Variants in DYDC1 observed in about 807,000 individuals in gnomAD.
DYDC1 encodes the protein DPY30 domain-containing protein 1.
In DYDC1, 21 loss-of-function variants were observed where a neutral mutation model predicts 27.9. The observed-to-expected ratio is 0.75, with a 90% CI of 0.53 to 1.08. The LOEUF (loss-of-function observed/expected upper bound fraction) is 1.08, where lower values mean the gene tolerates loss of function less well. Among genes scored for constraint, DYDC1 ranks in the 50% least tolerant of loss-of-function variants. The pLI is 0.00. For synonymous variants in DYDC1, 67 were observed against 65.8 expected (o/e 1.02, Z -0.09); for missense variants, 202 against 205.9 (o/e 0.98, Z 0.12).
chr10:80,338,314 G>T, intron 6 of DYDC1, 153 bp downstream of exon 6: 2 of 1,362,304 alleles, frequency 1.5e-6, no homozygotes, highest in South Asian at 1.9e-5. Flanking sequence ...AATATAATCC[G>T]CAACCAGGGA....
intron 6 of DYDC1, chr10:80,336,991 G>T: frequency 2.6e-6 from 1 of 380,270 alleles, no homozygotes; most frequent in Non-Finnish European, 3.6e-6. Context: ...CTGCACTTAA[G>T]TCCAAAATCC....
At chr10:80,336,402 A>C (rs1022261890) in intron 6 of DYDC1, 1 of 940,002 alleles carries the variant, frequency 1.1e-6, no homozygotes, top group Non-Finnish European at 1.3e-6. Context: ...TTCTCTTACT[A>C]TGCATTCTCA....
At chr10:80,353,398 G>A (rs927093253) in intron 1 of DYDC1, among the ~76,000 whole-genome samples, 2 of 151,150 alleles carry the variant, frequency 1.3e-5, no homozygotes, top group African/African-American at 2.4e-5. Flanking sequence ...TCCTGACCTC[G>A]TGATCCGCCC....
chr10:80,352,239 GA>G (rs1190662772), intron 2 of DYDC1, among the ~76,000 whole-genome samples: 1 of 152,040 alleles, frequency 6.6e-6, no homozygotes, highest in East Asian at 1.9e-4. Flanking sequence ...TAAATCTATA[GA>G]AAAAAGACTT....
chr10:80,338,837 G>T (rs1842222970), intron 5 of DYDC1, among the ~76,000 whole-genome samples: 1 of 152,068 alleles, frequency 6.6e-6, no homozygotes, highest in African/African-American at 2.4e-5. Flanking sequence ...AAGTAATTAT[G>T]TGGTAAATAG....
chr10:80,344,780 A>G, intron 3 of DYDC1: 1 of 311,348 alleles, frequency 3.2e-6, no homozygotes, highest in South Asian at 3.0e-5. Context: ...TTCGCCTCCC[A>G]CCATGATTCT....
chr10:80,342,024 C>CAAAAAAAAAAAAAAAAAAA (rs60594545), intron 4 of DYDC1, among the ~76,000 whole-genome samples: 1 of 108,982 alleles, frequency 9.2e-6, no homozygotes, highest in Non-Finnish European at 1.9e-5. Flanking sequence ...GACTCCGTCT[C>CAAAAAAAAAAAAAAAAAAA]AAAAAAAAAA....
intron 3 of DYDC1, chr10:80,344,648 G>C (rs757414682): frequency 6.1e-5 from 10 of 163,938 alleles, no homozygotes; most frequent in Middle Eastern, 2.8e-3. Context: ...CATGGGAGCT[G>C]GTCTTCCCTG....
Position 80,350,233 on chromosome 10 carries a change from C to T in DYDC1, c.249+1668G>A, listed in dbSNP as rs138082829. The stretch of plus-strand genomic sequence containing the variant: ...CAGTGGATTAGTTCATACCGGTCAA[C>T]ATAATATGGCTAGAGAAACTTGTTA... On this transcript the variant is annotated intron_variant, in intron 3 of 6. Coordinates refer to ENST00000372202, the MANE Select transcript of DYDC1 (RefSeq NM_001269053.2). Among the ~76,000 whole-genome samples, 1,152 of 152,304 alleles carry T rather than the reference C, an allele frequency of 7.6e-3. 5 individuals carry two copies. The highest frequency in any genetic ancestry group is 0.013 in the Non-Finnish European group (856 of 68,026).
chr10:80,348,053 C>T (rs531725376), intron 3 of DYDC1, among the ~76,000 whole-genome samples: 2 of 152,278 alleles, frequency 1.3e-5, no homozygotes, highest in East Asian at 3.9e-4. Context: ...GTAGTATAGA[C>T]ATTTTAACAA....
intron 1 of DYDC1, among the ~76,000 whole-genome samples, chr10:80,353,585 C>T (rs1302398679): frequency 1.3e-5 from 2 of 151,722 alleles, no homozygotes; most frequent in East Asian, 2.0e-4. Context: ...GGCACAGTGG[C>T]TCACGCCTGT....
chr10:80,354,259 G>A (rs928398788), intron 1 of DYDC1: 3 of 151,616 alleles, frequency 2.0e-5, no homozygotes, highest in African/African-American at 7.3e-5. Flanking sequence ...GGCTGAGGTG[G>A]GTGGATCACC....
chr10:80,351,786 T>C (rs1420113115), intron 3 of DYDC1, 115 bp downstream of exon 3: 4 of 883,326 alleles, frequency 4.5e-6, no homozygotes, highest in Non-Finnish European at 7.0e-6. Flanking sequence ...ATGAAGATAT[T>C]AGGAAGCCAT....
Position 80,339,158 on chromosome 10 carries a change from A to G in DYDC1, c.343-5T>C. 8.5e-7 allele frequency: 1 copy of G among 1,169,650 alleles called. No individual in the cohort carries two copies. The highest frequency in any genetic ancestry group is 1.2e-6 in the Non-Finnish European group (1 of 855,234). The allele number at this position is 1,169,650 out of a possible 1,614,324, so 72.5% of individuals were successfully genotyped here. A position where few individuals can be genotyped will look rare whatever the true frequency, so the allele number is the denominator to read the frequency against. On this transcript the variant is annotated splice_region_variant and splice_polypyrimidine_tract_variant and intron_variant, in intron 4 of 6. Coordinates refer to ENST00000372202, the MANE Select transcript of DYDC1 (RefSeq NM_001269053.2). ...TTCCATATTCATTCTCATCTCCTAT[A>G]ATATATAAAAATTAAGAAAATACTT...
intron 6 of DYDC1, 166 bp from the exon 7 acceptor site, chr10:80,336,351 T>C (rs1842135805): frequency 1.0e-6 from 1 of 981,502 alleles, no homozygotes; most frequent in Admixed American, 6.2e-5. Context: ...TAACCATAAA[T>C]TATGTTCTCA....
At chr10:80,347,571 G>A (rs1328095671) in intron 3 of DYDC1, among the ~76,000 whole-genome samples, 2 of 152,082 alleles carry the variant, frequency 1.3e-5, no homozygotes, top group African/African-American at 4.8e-5. Flanking sequence ...TCTTCCGGGA[G>A]TTTTACAGTT....
At chr10:80,338,383 C>T in intron 6 of DYDC1, 84 bp downstream of exon 6, 1 of 1,552,882 alleles carries the variant, frequency 6.4e-7, no homozygotes, top group Non-Finnish European at 8.7e-7. Flanking sequence ...GGCCTAGCCT[C>T]ATTTTCCCTA....
chr10:80,356,104 G>C (rs1469451931), intron 1 of DYDC1, among the ~76,000 whole-genome samples: 1 of 152,196 alleles, frequency 6.6e-6, no homozygotes, highest in African/African-American at 2.4e-5. Flanking sequence ...CTACCAGCGG[G>C]GCCAGGTCAG....
Position 80,336,184 on chromosome 10 carries a change from A to T in DYDC1, c.506T>A (p.Ile169Asn). 1.3e-6 allele frequency: 2 copies of T among 1,568,864 alleles called. No homozygotes were observed. The highest frequency in any genetic ancestry group is 1.7e-6 in the Non-Finnish European group (2 of 1,158,014). The change falls in exon 7 of 7, where the codon ATT (isoleucine) becomes AAT (asparagine). Residue 169 changes from isoleucine to asparagine, a missense_variant and splice_region_variant. Transcript: ENST00000372202. ...CAAATCTTGATCAATGTTTAATGCA[A>T]TCTAAAAGCAAAACAAAAAGTAAAT... ...EELDEPMFSD[I>N]ALNIDQDL
Sources: gnomAD v4.1 joint callset for allele counts (sites outside exome capture counted in the v4.1 genomes callset) on GRCh38, gnomAD v4.1.1 for gene constraint, MANE v1.5 for transcripts, NCBI Gene and HGNC (gene_info 2026-07-23, HGNC 2026-07-21) for gene names.